The following KIF18A variants were observed in gnomAD, a reference collection of about 807,000 sequenced individuals.
KIF18A encodes the protein kinesin family member 18A.
Under a neutral mutation model 103.3 loss-of-function variants are expected in KIF18A, and 67 were observed. The ratio of observed to expected loss-of-function variants is 0.65; its 90% confidence interval spans 0.53 to 0.79. The LOEUF is 0.79. KIF18A is among the 30% of genes least tolerant of loss of function. KIF18A has a pLI of 0.00. For synonymous variants in KIF18A, 367 were observed against 355.5 expected (o/e 1.03, Z -0.36); for missense variants, 1,032 against 1,062.5 (o/e 0.97, Z 0.40).
chr11:28,089,658 TTGACTGAAATGTCGTTATGCGGCACA>T (rs1851276796), intron 5 of KIF18A, among the ~76,000 whole-genome samples: 1 of 152,216 alleles, frequency 6.6e-6, no homozygotes, highest in Non-Finnish European at 1.5e-5. Context: ...TGGACTGTTG[TTGACTGAAATGTCGTTATGCGGCACA>T]TGACTATACA....
chr11:28,042,020 G>T (rs1850567053), intron 13 of KIF18A, among the ~76,000 whole-genome samples: 2 of 151,608 alleles, frequency 1.3e-5, no homozygotes, highest in South Asian at 4.2e-4. Flanking sequence ...TCTGATCCAT[G>T]TAACTGTAGG....
chr11:28,044,307 T>C (rs2133505213), intron 13 of KIF18A, among the ~76,000 whole-genome samples: 1 of 152,084 alleles, frequency 6.6e-6, no homozygotes, highest in Admixed American at 6.6e-5. Flanking sequence ...ATATACCCCC[T>C]AAATGGAAAA....
chr11:28,058,487 AG>A (rs1441620813), intron 13 of KIF18A, among the ~76,000 whole-genome samples: 5 of 127,926 alleles, frequency 3.9e-5, no homozygotes, highest in Non-Finnish European at 6.4e-5. Flanking sequence ...TTGTTTCTAC[AG>A]GAAAAAAAAA....
At chr11:28,036,720 C>A in intron 13 of KIF18A, 56 bp from the exon 14 acceptor site, 5 of 1,081,492 alleles carry the variant, frequency 4.6e-6, no homozygotes, top group South Asian at 2.0e-5. Context: ...TTTTAAATAA[C>A]CCCCATTACT....
intron 15 of KIF18A, among the ~76,000 whole-genome samples, chr11:28,029,144 A>G (rs1341888003): frequency 6.6e-6 from 1 of 152,200 alleles, no homozygotes; most frequent in Non-Finnish European, 1.5e-5. Flanking sequence ...ATTTCAATCT[A>G]TAGAAAAAGA....
chr11:28,051,129 A>G (rs566003755), intron 13 of KIF18A, among the ~76,000 whole-genome samples: 1 of 151,992 alleles, frequency 6.6e-6, no homozygotes, highest in South Asian at 2.1e-4. Context: ...TAGAGTACGA[A>G]GATTTGATAT....
intron 13 of KIF18A, among the ~76,000 whole-genome samples, chr11:28,051,457 TCTC>T (rs1424204468): frequency 6.6e-6 from 1 of 151,762 alleles, no homozygotes; most frequent in Non-Finnish European, 1.5e-5. Flanking sequence ...AGAATGCTAG[TCTC>T]CTTGGAAAAA....
intron 10 of KIF18A, among the ~76,000 whole-genome samples, chr11:28,073,152 T>C (rs1000892809): frequency 7.9e-5 from 12 of 152,146 alleles, no homozygotes; most frequent in South Asian, 6.2e-4. Context: ...AGTCCATTCA[T>C]TGTGGTTCTG....
At chr11:28,091,182 A>C (rs562172338) in intron 4 of KIF18A, among the ~76,000 whole-genome samples, 2 of 152,090 alleles carry the variant, frequency 1.3e-5, no homozygotes, top group Admixed American at 6.5e-5. Flanking sequence ...ACATACATAC[A>C]TACGTAGATT....
chr11:28,035,321 A>G (rs1218559068), intron 15 of KIF18A, 66 bp downstream of exon 15: 1 of 699,298 alleles, frequency 1.4e-6, no homozygotes, highest in Non-Finnish European at 2.2e-6. Context: ...AAAAAGCAAT[A>G]GCATATAATA....
intron 6 of KIF18A, among the ~76,000 whole-genome samples, chr11:28,085,740 G>C (rs1311195971): frequency 6.6e-6 from 1 of 151,764 alleles, no homozygotes; most frequent in Non-Finnish European, 1.5e-5. Flanking sequence ...GTGGTCCCCT[G>C]GGGCCCAGCT....
chr11:28,059,695 G>C (rs1446622470), intron 12 of KIF18A, among the ~76,000 whole-genome samples: 4 of 152,086 alleles, frequency 2.6e-5, no homozygotes, highest in African/African-American at 9.7e-5. Context: ...ACCTCCCAAA[G>C]TGCTGGGATT....
Position 28,096,882 on chromosome 11 carries a change from CT to C in KIF18A, c.325+740del, listed in dbSNP as rs35883651. 5.3e-3 allele frequency among the ~76,000 whole-genome samples: 545 copies of C among 102,252 alleles called. 2 individuals are homozygous for C. Among genetic ancestry groups the C allele is most frequent in the Admixed American group, 0.01 (95 of 9,458 alleles). 67.1% of individuals were successfully genotyped at this position (102,252 alleles called of 152,430 possible). A position where few individuals can be genotyped will look rare whatever the true frequency, so the allele number is the denominator to read the frequency against. On this transcript the variant is annotated intron_variant, in intron 2 of 16. Transcript: ENST00000263181. The stretch of plus-strand genomic sequence containing the variant: ...CTTGGGTATCTCTCTCTCTCTCTCT[CT>C]TTTTTTTTTTTTAAAAAGGAAATCA...
chr11:28,081,226 G>A (rs1170212688), intron 9 of KIF18A, among the ~76,000 whole-genome samples: 1 of 152,170 alleles, frequency 6.6e-6, no homozygotes, highest in Non-Finnish European at 1.5e-5. Flanking sequence ...TAAGATCACT[G>A]ATGAAGGTGG....
chr11:28,069,532 T>G, intron 10 of KIF18A, 109 bp from the exon 11 acceptor site: 1 of 1,026,820 alleles, frequency 9.7e-7, no homozygotes, highest in East Asian at 2.7e-5. Flanking sequence ...TAAATTAAGT[T>G]AGGCTACATT....
At chr11:28,058,743 A>G (rs1163348344) in intron 13 of KIF18A, among the ~76,000 whole-genome samples, 183 bp downstream of exon 13, 1 of 151,040 alleles carries the variant, frequency 6.6e-6, no homozygotes, top group Non-Finnish European at 1.5e-5. Flanking sequence ...ATAGAACATC[A>G]ATGCATACTT....
At chr11:28,069,618 A>G (rs1850983919) in intron 10 of KIF18A, among the ~76,000 whole-genome samples, 195 bp from the exon 11 acceptor site, 1 of 152,122 alleles carries the variant, frequency 6.6e-6, no homozygotes, top group African/African-American at 2.4e-5. Flanking sequence ...TTGAGCTGTG[A>G]GTCATTTTTA....
chr11:28,081,891 A>G (rs1298882334), intron 9 of KIF18A, among the ~76,000 whole-genome samples: 2 of 152,170 alleles, frequency 1.3e-5, no homozygotes, highest in Admixed American at 6.6e-5. Flanking sequence ...AGGAGGTCAA[A>G]ATATCAACAT....
chr11:28,097,716 C>A lies in KIF18A; in HGVS notation c.232G>T (p.Ala78Ser). The A allele has an allele frequency of 1.2e-6, 2 of 1,610,166 alleles. No homozygotes were observed. Among genetic ancestry groups the A allele is most frequent in the Non-Finnish European group, 1.7e-6 (2 of 1,177,080 alleles). Reference protein sequence around the residue: ...QNKDLKFVFDAVFDETSTQSE... With the variant: ...QNKDLKFVFDSVFDETSTQSE... ...TGAGTTGACGTTTCATCAAAAACAGCATCAAATACAAATTTAAGATCCTTA... is the reference window on the plus strand; with the variant it reads ...TGAGTTGACGTTTCATCAAAAACAGAATCAAATACAAATTTAAGATCCTTA... The change falls in exon 2 of 17, where the codon GCT becomes TCT. Residue 78 changes from alanine (A) to serine (S), a missense_variant. Coordinates refer to ENST00000263181, the MANE Select transcript of KIF18A (RefSeq NM_031217.4).
Sources: gnomAD v4.1 joint callset for allele counts (sites outside exome capture counted in the v4.1 genomes callset) on GRCh38, gnomAD v4.1.1 for gene constraint, MANE v1.5 for transcripts, NCBI Gene and HGNC (gene_info 2026-07-23, HGNC 2026-07-21) for gene names.